Variants in CLSTN2 observed in about 807,000 individuals in gnomAD.
The protein encoded by CLSTN2 is calsyntenin 2.
CLSTN2 carries 48 observed loss-of-function variants against 101.2 expected under a neutral mutation model. That is an observed-to-expected ratio of 0.47 (90% confidence interval 0.38 to 0.60). The LOEUF is 0.60. CLSTN2 is among the 20% of genes least tolerant of loss of function. The pLI is 0.00. For synonymous variants in CLSTN2, 481 were observed against 463.6 expected (o/e 1.04, Z -0.48); for missense variants, 1,160 against 1,238.2 (o/e 0.94, Z 0.95).
At chr3:140,398,760 C>T (rs1040577626) in intron 2 of CLSTN2, among the ~76,000 whole-genome samples, 1 of 152,218 alleles carries the variant, frequency 6.6e-6, no homozygotes, top group African/African-American at 2.4e-5. Context: ...AATTAGCTTA[C>T]TTTGTTGTTC....
intron 2 of CLSTN2, among the ~76,000 whole-genome samples, chr3:140,287,911 G>T (rs114288740): frequency 0.014 from 2,136 of 152,268 alleles, 60 homozygotes; most frequent in African/African-American, 0.049. Flanking sequence ...AGGAGAGAGA[G>T]ATAAACTGAT....
chr3:140,140,685 T>G lies in CLSTN2; in HGVS notation c.110-35266T>G, dbSNP rs77080620. ...TGCAACTGTCTCCATCTCAGGAAGA[T>G]CAGATTGATAAATAGTTTGTTGTTT... On this transcript the variant is annotated intron_variant, in intron 1 of 16. Coordinates refer to ENST00000458420, the MANE Select transcript of CLSTN2 (RefSeq NM_022131.3). Among the ~76,000 whole-genome samples, 103 of 152,312 alleles carry G rather than the reference T, an allele frequency of 6.8e-4. No homozygotes were observed. In the East Asian group the frequency reaches 0.017, roughly 25 times the overall value.
chr3:140,291,117 G>A (rs140457079), intron 2 of CLSTN2, among the ~76,000 whole-genome samples: 119 of 152,068 alleles, frequency 7.8e-4, no homozygotes, highest in African/African-American at 2.5e-3. Context: ...TTTAAAAGGG[G>A]GCTAATATTA....
chr3:139,957,735 T>C (rs1440838480), intron 1 of CLSTN2, among the ~76,000 whole-genome samples: 2 of 152,158 alleles, frequency 1.3e-5, no homozygotes, highest in African/African-American at 4.8e-5. Context: ...TGATGTCAGC[T>C]GATGGCCCTA....
intron 2 of CLSTN2, among the ~76,000 whole-genome samples, chr3:140,191,187 T>G (rs1196881769): frequency 6.6e-6 from 1 of 152,074 alleles, no homozygotes; most frequent in Non-Finnish European, 1.5e-5. Context: ...ATATGTAATT[T>G]TTTTTAGTTT....
chr3:140,397,296 G>A (rs1207698218), intron 2 of CLSTN2, among the ~76,000 whole-genome samples: 1 of 152,100 alleles, frequency 6.6e-6, no homozygotes. Flanking sequence ...ACCCAGGTAG[G>A]TAGTTGGAAA....
chr3:140,252,330 C>T (rs1039276991), intron 2 of CLSTN2, among the ~76,000 whole-genome samples: 11 of 152,272 alleles, frequency 7.2e-5, no homozygotes, highest in South Asian at 2.1e-4. Flanking sequence ...AGCCCTCCCT[C>T]GCTGAGGGTC....
chr3:139,986,343 G>A (rs1936020301), intron 1 of CLSTN2, among the ~76,000 whole-genome samples: 1 of 152,054 alleles, frequency 6.6e-6, no homozygotes, highest in African/African-American at 2.4e-5. Flanking sequence ...TAGATATTAG[G>A]CTTTGTTATC....
chr3:140,412,409 A>G (rs2088375641), intron 4 of CLSTN2, among the ~76,000 whole-genome samples: 1 of 152,186 alleles, frequency 6.6e-6, no homozygotes, highest in Admixed American at 6.5e-5. Context: ...GGCATATCTG[A>G]ACAGTCCATG....
At chr3:140,522,408 G>A (rs1227420734) in intron 8 of CLSTN2, among the ~76,000 whole-genome samples, 1 of 152,208 alleles carries the variant, frequency 6.6e-6, no homozygotes, top group Non-Finnish European at 1.5e-5. Flanking sequence ...AGTCTTAAGA[G>A]AATCTGGTTT....
chr3:140,066,003 T>C (rs1247618196), intron 1 of CLSTN2, among the ~76,000 whole-genome samples: 6 of 152,226 alleles, frequency 3.9e-5, no homozygotes, highest in Non-Finnish European at 8.8e-5. Flanking sequence ...CCACCACTGA[T>C]TGATGGGCAG....
intron 2 of CLSTN2, among the ~76,000 whole-genome samples, chr3:140,250,399 A>C (rs1177395093): frequency 6.6e-6 from 1 of 152,062 alleles, no homozygotes; most frequent in East Asian, 1.9e-4. Flanking sequence ...ACTGGGAGAA[A>C]ATTTCCATGG....
chr3:140,086,293 T>G (rs956213441), intron 1 of CLSTN2, among the ~76,000 whole-genome samples: 1 of 152,210 alleles, frequency 6.6e-6, no homozygotes, highest in East Asian at 1.9e-4. Flanking sequence ...AGAGCTGTAG[T>G]GTGCATGCTG....
At chr3:139,985,914 C>A (rs139649652) in intron 1 of CLSTN2, among the ~76,000 whole-genome samples, 1 of 152,216 alleles carries the variant, frequency 6.6e-6, no homozygotes, top group Non-Finnish European at 1.5e-5. Flanking sequence ...AATTTTTAAA[C>A]TTCATTTAAT....
At chr3:140,374,239 C>A (rs1449828595) in intron 2 of CLSTN2, among the ~76,000 whole-genome samples, 3 of 152,174 alleles carry the variant, frequency 2.0e-5, no homozygotes, top group Admixed American at 6.5e-5. Context: ...ATGACAGAAG[C>A]CAGGTTGATC....
intron 5 of CLSTN2, among the ~76,000 whole-genome samples, chr3:140,446,027 A>G (rs879318076): frequency 6.5e-5 from 9 of 139,482 alleles, no homozygotes; most frequent in Admixed American, 1.5e-4. Context: ...GTGATAGGGA[A>G]CCCCAAGTAG....
chr3:140,264,621 T>G (rs1382674009), intron 2 of CLSTN2, among the ~76,000 whole-genome samples: 1 of 151,844 alleles, frequency 6.6e-6, no homozygotes, highest in East Asian at 1.9e-4. Flanking sequence ...CTGCTGCAAA[T>G]AGCAAGAACT....
At chr3:140,317,024 C>T (rs970972589) in intron 2 of CLSTN2, among the ~76,000 whole-genome samples, 18 of 152,178 alleles carry the variant, frequency 1.2e-4, no homozygotes, top group East Asian at 5.8e-4. Flanking sequence ...AAAATTCATT[C>T]GTGGTGTTAG....
chr3:140,125,158 G>A (rs899633370), intron 1 of CLSTN2, among the ~76,000 whole-genome samples: 3 of 151,856 alleles, frequency 2.0e-5, no homozygotes, highest in African/African-American at 4.8e-5. Flanking sequence ...AGGGGGAGAG[G>A]AAGTGATAAC....
Sources: gnomAD v4.1 joint callset for allele counts (sites outside exome capture counted in the v4.1 genomes callset) on GRCh38, gnomAD v4.1.1 for gene constraint, MANE v1.5 for transcripts, NCBI Gene and HGNC (gene_info 2026-07-23, HGNC 2026-07-21) for gene names.